Variants in TAFA2 observed in about 807,000 individuals in gnomAD.
The protein encoded by TAFA2 is TAFA chemokine like family member 2, also known as chemokine-like protein TAFA-2.
TAFA2 carries 7 observed loss-of-function variants against 18.8 expected under a neutral mutation model. The ratio of observed to expected loss-of-function variants is 0.37; its 90% CI spans 0.21 to 0.70. TAFA2 has a LOEUF of 0.70. Among genes scored for constraint, TAFA2 ranks in the 30% least tolerant of loss-of-function variants. TAFA2 has a pLI of 0.53. For missense variants in TAFA2, 122 were observed against 158.1 expected, an observed-to-expected ratio of 0.77 and a Z score of 1.23; for synonymous variants, 60 against 54.2, an observed-to-expected ratio of 1.11 and a Z score of -0.47.
At chr12:61,768,840 G>T (rs1043688211) in intron 2 of TAFA2, among the ~76,000 whole-genome samples, 5 of 151,982 alleles carry the variant, frequency 3.3e-5, no homozygotes, top group African/African-American at 1.2e-4. Flanking sequence ...TCTGGGGGAG[G>T]GGACAAATGG....
At chr12:61,756,232 A>C (rs1869261063) in intron 2 of TAFA2, among the ~76,000 whole-genome samples, 1 of 152,094 alleles carries the variant, frequency 6.6e-6, no homozygotes, top group Non-Finnish European at 1.5e-5. Context: ...AGTGTAACAT[A>C]CAGCTTTGAC....
intron 1 of TAFA2, among the ~76,000 whole-genome samples, chr12:62,059,638 C>A (rs1882292420): frequency 6.6e-6 from 1 of 152,070 alleles, no homozygotes; most frequent in South Asian, 2.1e-4. Context: ...AAGGAGCAAG[C>A]CATGTGGCCA....
chr12:61,881,874 G>T (rs989183196), intron 1 of TAFA2, among the ~76,000 whole-genome samples: 2 of 151,758 alleles, frequency 1.3e-5, no homozygotes, highest in African/African-American at 4.8e-5. Flanking sequence ...TTCTGAGTAG[G>T]TAGCACTTTC....
At chr12:62,035,787 G>A (rs1881589611) in intron 1 of TAFA2, among the ~76,000 whole-genome samples, 1 of 132,002 alleles carries the variant, frequency 7.6e-6, no homozygotes, top group African/African-American at 3.0e-5. Context: ...TGTCGCCCAG[G>A]CTGGAGTGCA....
At chr12:62,222,364 AC>A (rs2062766599) in intron 1 of TAFA2, among the ~76,000 whole-genome samples, 1 of 152,160 alleles carries the variant, frequency 6.6e-6, no homozygotes, top group African/African-American at 2.4e-5. Flanking sequence ...CAAAGAAACC[AC>A]CAGAGAAAAT....
intron 1 of TAFA2, among the ~76,000 whole-genome samples, chr12:61,972,105 T>C (rs1879269975): frequency 6.6e-6 from 1 of 151,680 alleles, no homozygotes; most frequent in African/African-American, 2.4e-5. Flanking sequence ...AAGTTTTAAG[T>C]TCAGGGCTAC....
intron 1 of TAFA2, among the ~76,000 whole-genome samples, chr12:61,868,116 A>C (rs903763636): frequency 2.6e-5 from 4 of 152,182 alleles, no homozygotes; most frequent in African/African-American, 9.6e-5. Flanking sequence ...AAAAGCAAAA[A>C]ATGTTATAAC....
At chr12:61,830,790 A>G (rs1280549586) in intron 2 of TAFA2, among the ~76,000 whole-genome samples, 1 of 152,032 alleles carries the variant, frequency 6.6e-6, no homozygotes, top group African/African-American at 2.4e-5. Flanking sequence ...AATCTTATCA[A>G]ATTTTAGATT....
intron 1 of TAFA2, among the ~76,000 whole-genome samples, chr12:62,059,147 G>GTGTGTGTGTGTGTGTT: frequency 6.7e-6 from 1 of 149,960 alleles, no homozygotes; most frequent in Non-Finnish European, 1.5e-5. Flanking sequence ...ATATGTGTGT[G>GTGTGTGTGTGTGTGTT]TGTGTGTGTG....
chr12:61,972,297 T>C (rs929982819), intron 1 of TAFA2, among the ~76,000 whole-genome samples: 17 of 56,142 alleles, frequency 3.0e-4, no homozygotes, highest in African/African-American at 1.0e-3. Flanking sequence ...AAATATAAAG[T>C]TGAACCTTAA....
chr12:62,228,694 T>C (rs746526294), intron 1 of TAFA2, among the ~76,000 whole-genome samples: 4 of 152,168 alleles, frequency 2.6e-5, no homozygotes, highest in African/African-American at 4.8e-5. Context: ...GTTCAGGATT[T>C]TTTTGGTTAT....
intron 1 of TAFA2, among the ~76,000 whole-genome samples, chr12:62,103,452 T>C (rs1441957712): frequency 1.3e-5 from 2 of 152,176 alleles, no homozygotes; most frequent in Non-Finnish European, 2.9e-5. Flanking sequence ...AAAGACTACA[T>C]GCTTCCGGCC....
chr12:61,953,185 G>A (rs773999324), intron 1 of TAFA2, among the ~76,000 whole-genome samples: 7 of 151,946 alleles, frequency 4.6e-5, no homozygotes, highest in Admixed American at 6.6e-5. Context: ...TGCCATGGGA[G>A]AGCACTATGC....
At position 62,142,466 on chromosome 12, in the gene TAFA2, A is replaced by G. The variant is rs566502047; in HGVS notation, c.-2+48793T>C. Among the ~76,000 whole-genome samples, 4 of 152,302 alleles carry G rather than the reference A, an allele frequency of 2.6e-5. No homozygotes were observed. In the South Asian group the frequency reaches 8.3e-4, roughly 32 times the overall value. ...ACTCCATGACATCATGTTTCAGATCATGGCACTGTAATGTTTTCAGAAAAA... is the reference window on the plus strand; with the variant it reads ...ACTCCATGACATCATGTTTCAGATCGTGGCACTGTAATGTTTTCAGAAAAA... On this transcript the variant is annotated intron_variant, in intron 1 of 4. Coordinates refer to ENST00000416284, the MANE Select transcript of TAFA2 (RefSeq NM_178539.5).
chr12:62,183,860 C>A (rs1348794372), intron 1 of TAFA2, among the ~76,000 whole-genome samples: 1 of 152,080 alleles, frequency 6.6e-6, no homozygotes, highest in Non-Finnish European at 1.5e-5. Context: ...TATTTTCTAG[C>A]CTAGTTGATC....
intron 1 of TAFA2, among the ~76,000 whole-genome samples, chr12:62,205,284 G>C (rs78847922): frequency 6.6e-6 from 1 of 152,136 alleles, no homozygotes; most frequent in Admixed American, 6.5e-5. Context: ...GACCACTCTT[G>C]GGGGGGTCTC....
chr12:62,254,281 T>A (rs962532007), intron 1 of TAFA2, among the ~76,000 whole-genome samples: 10 of 152,344 alleles, frequency 6.6e-5, no homozygotes, highest in Admixed American at 1.3e-4. Flanking sequence ...ATTATTTTAT[T>A]CACCTTTAAA....
chr12:61,749,727 T>C (rs1397660856), intron 4 of TAFA2, among the ~76,000 whole-genome samples: 2 of 152,084 alleles, frequency 1.3e-5, no homozygotes. Flanking sequence ...AATTTCTTCT[T>C]AAGTATATGA....
intron 1 of TAFA2, among the ~76,000 whole-genome samples, chr12:62,124,764 CAAAT>C (rs1250979279): frequency 6.6e-6 from 1 of 152,136 alleles, no homozygotes; most frequent in Non-Finnish European, 1.5e-5. Context: ...GCAGAATCGT[CAAAT>C]ACACAGGGAA....
Sources: gnomAD v4.1 joint callset for allele counts (sites outside exome capture counted in the v4.1 genomes callset) on GRCh38, gnomAD v4.1.1 for gene constraint, MANE v1.5 for transcripts, NCBI Gene and HGNC (gene_info 2026-07-23, HGNC 2026-07-21) for gene names.